The following NUFIP1 variants were observed in gnomAD, a reference collection of about 807,000 sequenced individuals.
NUFIP1 encodes FMR1-interacting protein NUFIP1.
A neutral mutation model predicts 56.2 loss-of-function variants in NUFIP1; 38 were observed. The ratio of observed to expected loss-of-function variants is 0.68; its 90% CI spans 0.52 to 0.89. NUFIP1 has a LOEUF of 0.89. Ranked by LOEUF, NUFIP1 falls within the 40% of genes least tolerant of loss-of-function variation. The pLI is 0.00. For synonymous variants in NUFIP1, 215 were observed against 212.4 expected (o/e 1.01, Z -0.10); for missense variants, 567 against 605.8 (o/e 0.94, Z 0.67).
intron 7 of NUFIP1, among the ~76,000 whole-genome samples, chr13:44,955,455 A>C (rs192987144): frequency 1.3e-5 from 2 of 152,360 alleles, no homozygotes; most frequent in East Asian, 3.9e-4. Context: ...AGTCTTGTTT[A>C]AAATGTGAGT....
In NUFIP1 at chr13:44,979,240, G is replaced by C. The variant is rs1193195732; in HGVS notation, c.684C>G (p.Ile228Met). 1 of 1,613,260 alleles carries C rather than the reference G, an allele frequency of 6.2e-7. No homozygotes were observed. The highest frequency in any genetic ancestry group is 8.5e-7 in the Non-Finnish European group (1 of 1,179,752). Reference sequence around the variant, plus strand: ...CAATTTCCTCTGGAGTGTCTAACTTGATCTTCTTCATGCCAGGAGCATGCA... The same window carrying C: ...CAATTTCCTCTGGAGTGTCTAACTTCATCTTCTTCATGCCAGGAGCATGCA... ...RNMHAPGMKK[I>M]KLDTPEEIAR... Residue 228 changes from isoleucine to methionine, a missense_variant, in exon 5 of 10, where the codon ATC (isoleucine) becomes ATG (methionine). Transcript: ENST00000379161.
At chr13:44,976,996 C>T (rs992372368) in intron 5 of NUFIP1, among the ~76,000 whole-genome samples, 2 of 152,212 alleles carry the variant, frequency 1.3e-5, no homozygotes, top group Non-Finnish European at 2.9e-5. Context: ...GTTCCCACCT[C>T]TCAACACTGC....
intron 5 of NUFIP1, among the ~76,000 whole-genome samples, chr13:44,966,611 G>A (rs977845271): frequency 1.8e-4 from 28 of 151,954 alleles, no homozygotes; most frequent in African/African-American, 6.5e-4. Flanking sequence ...CATCACGCCC[G>A]GCCAAGTCTA....
intron 7 of NUFIP1, among the ~76,000 whole-genome samples, chr13:44,956,602 A>G (rs1871252980): frequency 6.6e-6 from 1 of 152,184 alleles, no homozygotes; most frequent in Non-Finnish European, 1.5e-5. Flanking sequence ...AGTGACAGAT[A>G]ATCAGGCATT....
intron 8 of NUFIP1, among the ~76,000 whole-genome samples, chr13:44,947,105 G>A (rs1870923428): frequency 6.6e-6 from 1 of 152,078 alleles, no homozygotes; most frequent in South Asian, 2.1e-4. Context: ...GCATTATTGT[G>A]CAGGATGACA....
At chr13:44,981,331 CA>C (rs57342102) in intron 2 of NUFIP1, among the ~76,000 whole-genome samples, 23 of 147,320 alleles carry the variant, frequency 1.6e-4, no homozygotes, top group East Asian at 9.8e-4. Flanking sequence ...TTAGAAATAT[CA>C]AAAAAAAAAG....
chr13:44,965,627 G>C lies in NUFIP1; in HGVS notation c.827+217C>G, dbSNP rs146215806. Among the ~76,000 whole-genome samples the C allele has an allele frequency of 5.0e-3, 766 of 152,298 alleles. 11 individuals are homozygous for C. The highest frequency in any genetic ancestry group is 0.018 in the African/African-American group (745 of 41,560). ...GAGAATGGCACAAACCTGGGAGGTG[G>C]AACTTGCAGTGAGCCGAGATGGCGC... On this transcript the variant is annotated intron_variant, in intron 6 of 9. Coordinates refer to ENST00000379161, the MANE Select transcript of NUFIP1 (RefSeq NM_012345.3).
intron 1 of NUFIP1, among the ~76,000 whole-genome samples, chr13:44,983,168 TTTTA>T (rs1374949210): frequency 2.6e-5 from 4 of 151,600 alleles, no homozygotes; most frequent in Non-Finnish European, 5.9e-5. Flanking sequence ...CTGTCTCTTA[TTTTA>T]TTTTATTTTT....
At chr13:44,966,957 A>G (rs1448078139) in intron 5 of NUFIP1, among the ~76,000 whole-genome samples, 1 of 151,672 alleles carries the variant, frequency 6.6e-6, no homozygotes, top group African/African-American at 2.4e-5. Context: ...TAGGTGACAG[A>G]GCAAGACTCC....
At chr13:44,964,047 GAA>G (rs1208871709) in intron 6 of NUFIP1, among the ~76,000 whole-genome samples, 2 of 152,082 alleles carry the variant, frequency 1.3e-5, no homozygotes, top group African/African-American at 4.8e-5. Context: ...ATTCATATGT[GAA>G]AAAGTTTTAA....
At chr13:44,950,441 G>A (rs1871051596) in intron 7 of NUFIP1, among the ~76,000 whole-genome samples, 1 of 152,084 alleles carries the variant, frequency 6.6e-6, no homozygotes, top group African/African-American at 2.4e-5. Context: ...TGCCTGCCAG[G>A]CCCAAGCAAT....
At chr13:44,975,406 AAC>A (rs1358716332) in intron 5 of NUFIP1, among the ~76,000 whole-genome samples, 1 of 152,078 alleles carries the variant, frequency 6.6e-6, no homozygotes, top group Non-Finnish European at 1.5e-5. Flanking sequence ...CAGTAATAAG[AAC>A]CACCTTTCAT....
chr13:44,958,178 AG>A (rs1250335844), intron 7 of NUFIP1, among the ~76,000 whole-genome samples: 2 of 152,178 alleles, frequency 1.3e-5, no homozygotes, highest in African/African-American at 4.8e-5. Context: ...GTACTGGTGG[AG>A]TGAGACTCAT....
intron 1 of NUFIP1, among the ~76,000 whole-genome samples, chr13:44,983,778 C>A (rs528886536): frequency 6.6e-6 from 1 of 152,272 alleles, no homozygotes; most frequent in South Asian, 2.1e-4. Flanking sequence ...GCCTGGGCCA[C>A]AGAACAAGAC....
At chr13:44,980,305 T>C (rs1395299560) in intron 3 of NUFIP1, among the ~76,000 whole-genome samples, 1 of 152,228 alleles carries the variant, frequency 6.6e-6, no homozygotes, top group Non-Finnish European at 1.5e-5. Context: ...TTAAACATTT[T>C]GGTTAAAGTT....
intron 8 of NUFIP1, among the ~76,000 whole-genome samples, chr13:44,947,217 G>C (rs1412014641): frequency 6.7e-6 from 1 of 149,256 alleles, no homozygotes; most frequent in Non-Finnish European, 1.5e-5. Context: ...CTACATACCA[G>C]CTTGCCAAGC....
rs564994076 is a variant in NUFIP1 at position 44,956,790 on chromosome 13, C to T, written c.1021+2591G>A. On this transcript the variant is annotated intron_variant, in intron 7 of 9. Coordinates refer to ENST00000379161, the MANE Select transcript of NUFIP1 (RefSeq NM_012345.3). ...ATGAAGCCATGCTTGCTCGCTGCTC[C>T]CCGCCTCCCCATCCCCGCTCCCCCC... Among the ~76,000 whole-genome samples the T allele has an allele frequency of 2.0e-5, 3 of 152,206 alleles. No individual in the cohort carries two copies. The South Asian group carries it at 6.2e-4, about 32-fold the overall frequency.
chr13:44,959,956 G>C (rs1285885539), intron 6 of NUFIP1, among the ~76,000 whole-genome samples: 1 of 148,100 alleles, frequency 6.8e-6, no homozygotes, highest in Non-Finnish European at 1.5e-5. Flanking sequence ...TTTTGAGACA[G>C]AATCTTGCTC....
At chr13:44,943,369 C>A (rs1305388371) in intron 9 of NUFIP1, 73 bp downstream of exon 9, 2 of 1,276,898 alleles carry the variant, frequency 1.6e-6, no homozygotes, top group East Asian at 4.6e-5. Context: ...CACACACACA[C>A]ACACACACCC....
Sources: allele counts gnomAD v4.1 joint callset (sites outside exome capture counted in the v4.1 genomes callset), GRCh38; gene constraint gnomAD v4.1.1; transcripts MANE v1.5; gene names NCBI Gene and HGNC (gene_info 2026-07-23, HGNC 2026-07-21).